The following KIF20B variants were observed in gnomAD, a reference collection of about 807,000 sequenced individuals.
The protein encoded by KIF20B is kinesin-like protein KIF20B.
KIF20B carries 188 observed loss-of-function variants against 232.5 expected under a neutral mutation model. The observed-to-expected ratio is 0.81, with a 90% CI of 0.72 to 0.91. The LOEUF (loss-of-function observed/expected upper bound fraction) is 0.91. Ranked by LOEUF, KIF20B falls within the 40% of genes least tolerant of loss-of-function variation. KIF20B has a pLI of 0.00. For missense variants in KIF20B, 2,154 were observed against 2,055.9 expected (o/e 1.05, Z -0.92); for synonymous variants, 712 against 683.0 (o/e 1.04, Z -0.66).
At chr10:89,743,242 G>T (rs915927288) in intron 21 of KIF20B, among the ~76,000 whole-genome samples, 9 of 152,130 alleles carry the variant, frequency 5.9e-5, no homozygotes, top group Admixed American at 3.3e-4. Context: ...TTTTGGGTGA[G>T]AAATTAATAT....
chr10:89,738,890 C>T (rs1841730305), intron 20 of KIF20B, 68 bp from the exon 21 acceptor site: 7 of 1,465,472 alleles, frequency 4.8e-6, no homozygotes, highest in Non-Finnish European at 5.5e-6. Flanking sequence ...AGATTGTTAC[C>T]ATTTCACATG....
intron 14 of KIF20B, 67 bp downstream of exon 14, chr10:89,724,170 TACTTAGTTTAC>T: frequency 7.5e-7 from 1 of 1,335,000 alleles, no homozygotes; most frequent in Non-Finnish European, 9.9e-7. Flanking sequence ...TTTTTTTTTT[TACTTAGTTTAC>T]TTTTTATATT....
At chr10:89,723,708 C>A in intron 13 of KIF20B, 1 of 219,492 alleles carries the variant, frequency 4.6e-6, no homozygotes, top group Non-Finnish European at 8.7e-6. Flanking sequence ...ATTAACTTTA[C>A]TTATTTTCTT....
At chr10:89,769,066 T>C (rs766080038) in intron 31 of KIF20B, among the ~76,000 whole-genome samples, 178 bp downstream of exon 31, 3 of 151,962 alleles carry the variant, frequency 2.0e-5, no homozygotes, top group Non-Finnish European at 4.4e-5. Flanking sequence ...AGGTGTTCGC[T>C]ATGTAGTAGA....
At chr10:89,768,423 A>G (rs757181939) in intron 30 of KIF20B, 32 bp downstream of exon 30, 4 of 1,246,194 alleles carry the variant, frequency 3.2e-6, no homozygotes, top group Non-Finnish European at 4.6e-6. Flanking sequence ...AAATTGTAGC[A>G]ATTATCCAGA....
In KIF20B at chr10:89,709,456, TC is replaced by T. The variant is rs1279927421; in HGVS notation, c.348del (p.Lys117ArgfsTer21). 6.2e-7 allele frequency: 1 copy of T among 1,604,366 alleles called. No individual in the cohort carries two copies. Among genetic ancestry groups the T allele is most frequent in the Non-Finnish European group, 8.5e-7 (1 of 1,172,246 alleles). On this transcript the variant is annotated frameshift_variant, in exon 4 of 33. Transcript: ENST00000371728. LOFTEE classifies it high-confidence loss of function. ...GCAGATGGCACAGAAATTCAGTTTT[TC>T]CAAGGTAAAACTGAAGTGTTTTTGT... ...SGQMAQKFSF[S>X]KVFGPATTQK...
intron 14 of KIF20B, among the ~76,000 whole-genome samples, chr10:89,724,400 T>C (rs887818324): frequency 1.3e-5 from 2 of 152,218 alleles, no homozygotes; most frequent in East Asian, 3.9e-4. Context: ...ACTGGCATGT[T>C]CCTGAAGTCC....
chr10:89,710,156 A>G (rs1480415761), intron 5 of KIF20B, 91 bp downstream of exon 5: 39 of 1,086,510 alleles, frequency 3.6e-5, no homozygotes, highest in East Asian at 8.0e-5. Flanking sequence ...TTATGTTGCT[A>G]TTACCTAGTA....
rs543799628 is a variant in KIF20B, at chr10:89,720,021, G to C, written c.1722+315G>C. Among the ~76,000 whole-genome samples the C allele has an allele frequency of 3.9e-5, 6 of 151,998 alleles. No homozygotes were observed. The South Asian group carries it at 1.2e-3, about 32-fold the overall frequency. On this transcript the variant is annotated intron_variant, in intron 13 of 32. Coordinates refer to ENST00000371728, the MANE Select transcript of KIF20B (RefSeq NM_001284259.2). ...TGAACATATTTTTCTAAGAACATGG[G>C]CATTTTCATCATGATCACAAGACCA...
intron 29 of KIF20B, among the ~76,000 whole-genome samples, chr10:89,763,266 G>A (rs1208780684): frequency 1.3e-5 from 2 of 152,152 alleles, no homozygotes; most frequent in Admixed American, 6.5e-5. Context: ...GGGTGATAGA[G>A]CGAGACTGTC....
In KIF20B at chr10:89,709,163, T is replaced by C. The variant is rs1173188067; in HGVS notation, c.148-4T>C. ...CACAATGTTTTTCTCCTTTATTTTT[T>C]AAGGCAAACAGTTTCGAATCTAAAG... On this transcript the variant is annotated splice_polypyrimidine_tract_variant and splice_region_variant and intron_variant, in intron 2 of 32. Transcript: ENST00000371728. 1 of 1,592,760 alleles carries C rather than the reference T, an allele frequency of 6.3e-7. No individual in the cohort carries two copies. The highest frequency in any genetic ancestry group is 1.7e-5 in the Admixed American group (1 of 59,072).
intron 1 of KIF20B, among the ~76,000 whole-genome samples, chr10:89,703,153 T>C (rs1842647020): frequency 6.6e-6 from 1 of 152,216 alleles, no homozygotes; most frequent in Non-Finnish European, 1.5e-5. Context: ...TTTAGTTTTC[T>C]GGGCATTTCC....
At chr10:89,743,465 TTC>T (rs1841848030) in intron 21 of KIF20B, among the ~76,000 whole-genome samples, 1 of 152,238 alleles carries the variant, frequency 6.6e-6, no homozygotes, top group African/African-American at 2.4e-5. Context: ...ATCAGTATTT[TTC>T]TCTCAGAATA....
chr10:89,745,208 A>G (rs1841883451), intron 22 of KIF20B, among the ~76,000 whole-genome samples: 3 of 152,178 alleles, frequency 2.0e-5, no homozygotes, highest in Admixed American at 6.5e-5. Flanking sequence ...TTGAGTAAGT[A>G]AAATAACCGG....
At chr10:89,720,276 A>G (rs1843025024) in intron 13 of KIF20B, among the ~76,000 whole-genome samples, 1 of 152,086 alleles carries the variant, frequency 6.6e-6, no homozygotes, top group Non-Finnish European at 1.5e-5. Context: ...AATACCTGCA[A>G]TTTAGATTTG....
At chr10:89,763,290 G>T (rs948862802) in intron 29 of KIF20B, among the ~76,000 whole-genome samples, 1 of 151,960 alleles carries the variant, frequency 6.6e-6, no homozygotes, top group Admixed American at 6.6e-5. Context: ...GAAAAATAAA[G>T]AATATTACTG....
At chr10:89,758,549 G>C (rs374482681) in intron 26 of KIF20B, among the ~76,000 whole-genome samples, 157 bp from the exon 27 acceptor site, 7 of 152,062 alleles carry the variant, frequency 4.6e-5, no homozygotes, top group Admixed American at 4.6e-4. Context: ...AATGATATGT[G>C]TTGTTTTATA....
At chr10:89,729,076 C>G in intron 17 of KIF20B, 52 bp from the exon 18 acceptor site, 3 of 1,258,198 alleles carry the variant, frequency 2.4e-6, no homozygotes, top group Non-Finnish European at 3.1e-6. Flanking sequence ...TATTTGCATT[C>G]TAGTTATCCT....
rs775022814 is a variant in KIF20B, at chr10:89,751,336, C to T, written c.4097-10C>T. On this transcript the variant is annotated splice_polypyrimidine_tract_variant and intron_variant, in intron 23 of 32. Coordinates refer to ENST00000371728, the MANE Select transcript of KIF20B (RefSeq NM_001284259.2). The stretch of plus-strand genomic sequence containing the variant: ...TATTAATTTCTAAAATGTTCTCCCC[C>T]GATTTTTAGATCTAAATGTTAAAGA... 103 of 1,583,590 alleles carry T rather than the reference C, an allele frequency of 6.5e-5. No homozygotes were observed. The highest frequency in any genetic ancestry group is 7.4e-5 in the Non-Finnish European group (87 of 1,167,912).
Sources: allele counts gnomAD v4.1 joint callset (sites outside exome capture counted in the v4.1 genomes callset), GRCh38; gene constraint gnomAD v4.1.1; transcripts MANE v1.5; gene names NCBI Gene and HGNC (gene_info 2026-07-23, HGNC 2026-07-21).